ASB7: variants seen among roughly 807,000 people sequenced by gnomAD.
ASB7 encodes ankyrin repeat and SOCS box protein 7.
ASB7 carries 4 observed loss-of-function variants against 32.5 expected under a neutral mutation model. That is an observed-to-expected ratio of 0.12 (90% CI 0.06 to 0.28). The LOEUF (loss-of-function observed/expected upper bound fraction) is 0.28. Ranked by LOEUF, ASB7 falls within the 10% of genes least tolerant of loss-of-function variation. The pLI is 1.00. For synonymous variants in ASB7, 172 were observed against 155.6 expected (o/e 1.11, Z -0.78); for missense variants, 181 against 407.1 (o/e 0.44, Z 4.78).
chr15:100,644,336 C>T (rs906171955), intron 5 of ASB7, among the ~76,000 whole-genome samples: 15 of 152,224 alleles, frequency 9.9e-5, no homozygotes, highest in African/African-American at 3.6e-4. Context: ...ATGTAATTCA[C>T]ATTCCAGTTT....
At chr15:100,614,516 C>T (rs937048243) in intron 4 of ASB7, among the ~76,000 whole-genome samples, 1 of 151,950 alleles carries the variant, frequency 6.6e-6, no homozygotes, top group South Asian at 2.1e-4. Flanking sequence ...GCTCTGCAGT[C>T]GGAGCCTGGA....
chr15:100,641,242 G>A (rs1191469110), intron 5 of ASB7, among the ~76,000 whole-genome samples: 1 of 152,024 alleles, frequency 6.6e-6, no homozygotes, highest in Non-Finnish European at 1.5e-5. Context: ...CTGGGATAGT[G>A]TATTGTTGAA....
chr15:100,648,438 A>G lies in ASB7; in HGVS notation c.933A>G (p.Leu311=), dbSNP rs1310534966. 1 of 1,608,636 alleles carries G rather than the reference A, an allele frequency of 6.2e-7. No homozygotes were observed. Among genetic ancestry groups the G allele is most frequent in the Non-Finnish European group, 8.5e-7 (1 of 1,176,038 alleles). The stretch of plus-strand genomic sequence containing the variant: ...TTGCCAAGGTCATGAAAGACTACTT[A>G]AAACACAAATTTGATGATATCTGAT... The part of the protein sequence containing the change: ...LPIAKVMKDY[L]KHKFDDI The change falls in exon 6 of 6, where the codon TTA becomes TTG. Residue 311 remains leucine, a synonymous_variant. Transcript: ENST00000332783.
In ASB7 at chr15:100,629,963, A is replaced by C; in HGVS notation, c.738A>C (p.Glu246Asp). The C allele has an allele frequency of 6.2e-7, 1 of 1,614,200 alleles. No homozygotes were observed. Among genetic ancestry groups the C allele is most frequent in the Non-Finnish European group, 8.5e-7 (1 of 1,180,016 alleles). ...YGADTNTRNY[E>D]GQTPLAVSIS... is the part of the protein sequence containing the mutation. ...CAGACACGAACACACGGAACTATGA[A>C]GGACAGACCCCATTGGCTGTTTCAA... is the stretch of plus-strand genomic sequence containing the variant. Residue 246 changes from glutamate (E) to aspartate (D), a missense_variant, in exon 5 of 6, where the codon GAA becomes GAC. Glu to Asp is a conservative substitution (Grantham distance 45). Transcript: ENST00000332783. The surrounding 1 kb of genome is among the most constrained non-coding windows in gnomAD (Gnocchi z 6.8).
chr15:100,610,841 G>A (rs2039690008), intron 3 of ASB7, among the ~76,000 whole-genome samples: 2 of 152,294 alleles, frequency 1.3e-5, no homozygotes, highest in East Asian at 3.9e-4. Context: ...GAAACAAAGG[G>A]ACTACTAGTT....
In ASB7 at chr15:100,629,975, A is replaced by G. The variant is rs747306332; in HGVS notation, c.750A>G (p.Pro250=). The G allele has an allele frequency of 3.1e-6, 5 of 1,613,680 alleles. No individual in the cohort carries two copies. The highest frequency in any genetic ancestry group is 2.2e-5 in the East Asian group (1 of 44,876). The change falls in exon 5 of 6, where the codon CCA becomes CCG. Residue 250 remains proline, a synonymous_variant. Coordinates refer to ENST00000332783, the MANE Select transcript of ASB7 (RefSeq NM_198243.3). This position sits in a 1 kb window ranked among gnomAD's most constrained non-coding sequence, Gnocchi z 6.8. ...TNTRNYEGQT[P]LAVSISISGS... ...CACGGAACTATGAAGGACAGACCCC[A>G]TTGGCTGTTTCAATAAGTATTTCTG... is the stretch of plus-strand genomic sequence containing the variant.
At chr15:100,607,313 A>C (rs192383897) in intron 2 of ASB7, among the ~76,000 whole-genome samples, 1 of 152,252 alleles carries the variant, frequency 6.6e-6, no homozygotes, top group East Asian at 1.9e-4. Flanking sequence ...AGACATATTT[A>C]CCACTAGATA....
intron 4 of ASB7, among the ~76,000 whole-genome samples, chr15:100,615,117 C>G (rs985440072): frequency 3.3e-5 from 5 of 152,140 alleles, no homozygotes; most frequent in Non-Finnish European, 4.4e-5. Flanking sequence ...CTATATATAA[C>G]CTGGGTGTGT....
At chr15:100,611,819 C>CTTT (rs11350952) in intron 3 of ASB7, among the ~76,000 whole-genome samples, 2 of 112,904 alleles carry the variant, frequency 1.8e-5, no homozygotes, top group African/African-American at 6.5e-5. Flanking sequence ...TATATTGCTA[C>CTTT]TTTTTTTTTT....
chr15:100,639,754 G>C (rs898344951), intron 5 of ASB7, among the ~76,000 whole-genome samples: 1 of 152,138 alleles, frequency 6.6e-6, no homozygotes, highest in Non-Finnish European at 1.5e-5. Flanking sequence ...GAAATAAATA[G>C]TACACAATTT....
In ASB7 at chr15:100,643,477, C is replaced by CTT. The variant is rs1172063471; in HGVS notation, c.818-4821_818-4820dup. ...TAACCTTTTGTCTCAGTCCCTTCTT[C>CTT]TTTTTTTTTTTTTTTTTTTTTTTTT... On this transcript the variant is annotated intron_variant, in intron 5 of 5. Transcript: ENST00000332783. 1.8e-3 allele frequency among the ~76,000 whole-genome samples: 185 copies of CTT among 104,400 alleles called. 6 individuals carry two copies. Among genetic ancestry groups the CTT allele is most frequent in the South Asian group, 4.8e-3 (14 of 2,930 alleles). The allele number at this position is 104,400 out of a possible 152,430, so 68.5% of individuals were successfully genotyped here. A position where few individuals can be genotyped will look rare whatever the true frequency, so the allele number is the denominator to read the frequency against.
chr15:100,638,027 G>A (rs1189488104), intron 5 of ASB7, among the ~76,000 whole-genome samples: 1 of 151,196 alleles, frequency 6.6e-6, no homozygotes, highest in Non-Finnish European at 1.5e-5. Context: ...GAATTGGATA[G>A]TTTAAAAATT....
intron 4 of ASB7, among the ~76,000 whole-genome samples, chr15:100,621,689 C>A (rs997806600): frequency 6.6e-6 from 1 of 151,918 alleles, no homozygotes; most frequent in Non-Finnish European, 1.5e-5. Context: ...TTTCTGTATA[C>A]TTCTAGAATC....
Position 100,651,204 on chromosome 15 carries a change from T to C in ASB7, c.*2742T>C, listed in dbSNP as rs534806868. 7.9e-5 allele frequency: 12 copies of C among 152,284 alleles called. No homozygotes were observed. The East Asian group carries it at 2.3e-3, about 29-fold the overall frequency. The allele number at this position is 152,284 out of a possible 1,614,324, so 9.4% of individuals were successfully genotyped here. On this transcript the variant is annotated 3_prime_UTR_variant, in exon 6 of 6. Coordinates refer to ENST00000332783, the MANE Select transcript of ASB7 (RefSeq NM_198243.3). Reference sequence around the variant, plus strand: ...TCGAAAACAAGGTTTTGTGTTTTTTTTTTTTTGTAAATATTTGTGTTTATA... The same window carrying C: ...TCGAAAACAAGGTTTTGTGTTTTTTCTTTTTTGTAAATATTTGTGTTTATA...
At chr15:100,619,921 C>G (rs1291337127) in intron 4 of ASB7, among the ~76,000 whole-genome samples, 2 of 152,216 alleles carry the variant, frequency 1.3e-5, no homozygotes. Flanking sequence ...CAGTGTGGCT[C>G]TCTTTCTAGT....
At chr15:100,611,484 C>CTTGTTTTTTTTTTTTTTTTTTTTTTTT (rs2039694564) in intron 3 of ASB7, among the ~76,000 whole-genome samples, 1 of 77,144 alleles carries the variant, frequency 1.3e-5, no homozygotes, top group Non-Finnish European at 2.3e-5. Flanking sequence ...TGTTTCGATT[C>CTTGTTTTTTTTTTTTTTTTTTTTTTTT]TTTTTTTTTT....
intron 5 of ASB7, among the ~76,000 whole-genome samples, chr15:100,632,853 G>T (rs1415348405): frequency 1.2e-5 from 1 of 83,164 alleles, no homozygotes; most frequent in Non-Finnish European, 2.3e-5. Flanking sequence ...GATCTATATA[G>T]TGCAAAAAAA....
At chr15:100,619,417 A>G (rs1255328560) in intron 4 of ASB7, among the ~76,000 whole-genome samples, 1 of 152,282 alleles carries the variant, frequency 6.6e-6, no homozygotes, top group African/African-American at 2.4e-5. Flanking sequence ...GTATGTGAAC[A>G]TATCAGAAGG....
chr15:100,641,942 G>A (rs1456097043), intron 5 of ASB7, among the ~76,000 whole-genome samples: 1 of 152,226 alleles, frequency 6.6e-6, no homozygotes, highest in Non-Finnish European at 1.5e-5. Flanking sequence ...CACAGAGACT[G>A]CAAGTGGTGG....
Sources: allele counts gnomAD v4.1 joint callset (sites outside exome capture counted in the v4.1 genomes callset), GRCh38; gene constraint gnomAD v4.1.1; non-coding constraint Gnocchi (gnomAD v3.1); transcripts MANE v1.5; gene names NCBI Gene and HGNC (gene_info 2026-07-23, HGNC 2026-07-21).